CFAP70: variants seen among roughly 807,000 people sequenced by gnomAD.
The protein encoded by CFAP70 is cilia and flagella associated protein 70.
Under a neutral mutation model 137.6 loss-of-function variants are expected in CFAP70, and 81 were observed. That is an observed-to-expected ratio of 0.59 (90% CI 0.49 to 0.71). The LOEUF (loss-of-function observed/expected upper bound fraction) is 0.71, where lower values mean the gene tolerates loss of function less well. Ranked by LOEUF, CFAP70 falls within the 30% of genes least tolerant of loss-of-function variation. CFAP70 has a pLI of 0.00. For missense variants in CFAP70, 976 were observed against 1,226.7 expected (o/e 0.80, Z 3.05); for synonymous variants, 382 against 423.6 (o/e 0.90, Z 1.20).
At chr10:73,304,546 A>G (rs1240062103) in intron 12 of CFAP70, among the ~76,000 whole-genome samples, 2 of 152,240 alleles carry the variant, frequency 1.3e-5, no homozygotes, top group Non-Finnish European at 2.9e-5. Context: ...GATTAAAATT[A>G]AAATGAGAAA....
intron 24 of CFAP70, among the ~76,000 whole-genome samples, chr10:73,272,238 G>C (rs2046371390): frequency 6.6e-6 from 1 of 152,092 alleles, no homozygotes; most frequent in African/African-American, 2.4e-5. Flanking sequence ...AGGAGGCTGA[G>C]GCAGGAGGAT....
intron 19 of CFAP70, among the ~76,000 whole-genome samples, chr10:73,283,585 TTC>T (rs2047424300): frequency 6.6e-6 from 1 of 152,256 alleles, no homozygotes; most frequent in South Asian, 2.1e-4. Context: ...TCTTTAATGT[TTC>T]TCTTTGTCTC....
intron 25 of CFAP70, among the ~76,000 whole-genome samples, chr10:73,261,932 CTCTT>C (rs1483323390): frequency 3.3e-5 from 5 of 149,716 alleles, no homozygotes; most frequent in East Asian, 2.0e-4. Context: ...AATCAGTTCT[CTCTT>C]CTCTCAGGAA....
intron 25 of CFAP70, among the ~76,000 whole-genome samples, chr10:73,266,761 G>A (rs2045814817): frequency 6.6e-6 from 1 of 152,036 alleles, no homozygotes; most frequent in Non-Finnish European, 1.5e-5. Flanking sequence ...AATATTATTT[G>A]TGTCTTTCCA....
At chr10:73,271,441 G>A (rs535258851) in intron 24 of CFAP70, among the ~76,000 whole-genome samples, 120 of 152,316 alleles carry the variant, frequency 7.9e-4, no homozygotes, top group South Asian at 2.9e-3. Flanking sequence ...GAACCCAGGA[G>A]GCAGAGGTTG....
chr10:73,361,289 C>T (rs576419387), upstream of CFAP70, among the ~76,000 whole-genome samples: 22 of 147,370 alleles, frequency 1.5e-4, no homozygotes, highest in Non-Finnish European at 2.7e-4. Flanking sequence ...CCACCATGCC[C>T]GGCCTTTTTT....
At chr10:73,277,178 G>A in intron 21 of CFAP70, 62 bp downstream of exon 22, 2 of 1,537,428 alleles carry the variant, frequency 1.3e-6, no homozygotes, top group Non-Finnish European at 8.8e-7. Context: ...ATACCATTAT[G>A]GATAGAATAA....
intron 24 of CFAP70, chr10:73,272,697 T>C: frequency 3.3e-6 from 2 of 605,390 alleles, no homozygotes; most frequent in South Asian, 1.8e-5. Flanking sequence ...TTTTTTATTA[T>C]GTAGCTTCTT....
rs1473925658 is a variant in CFAP70, at chr10:73,256,435, TTGGTGA to T, written c.3028-25_3028-20del. 5 of 1,613,818 alleles carry T rather than the reference TTGGTGA, an allele frequency of 3.1e-6. No individual in the cohort carries two copies. The African/African-American group carries it at 6.7e-5, about 22-fold the overall frequency. On this transcript the variant is annotated intron_variant, in intron 25 of 26. Transcript: ENST00000310715. ...GTCCAACCTGAAAAAAGTGCAGCAG[TTGGTGA>T]TGATGACAGGTCATAAACATTATGG...
At chr10:73,322,530 T>C (rs2132207218) in intron 9 of CFAP70, among the ~76,000 whole-genome samples, 1 of 150,592 alleles carries the variant, frequency 6.6e-6, no homozygotes, top group Middle Eastern at 3.4e-3. Flanking sequence ...TGAGCTATGA[T>C]TGTGCCACTG....
At chr10:73,301,120 T>G (rs1404936223) in intron 12 of CFAP70, among the ~76,000 whole-genome samples, 2 of 152,176 alleles carry the variant, frequency 1.3e-5, no homozygotes, top group Non-Finnish European at 2.9e-5. Flanking sequence ...CAGGAGCATA[T>G]TTCACCAGGA....
intron 12 of CFAP70, 31 bp from the exon 14 acceptor site, chr10:73,299,696 C>A (rs965040477): frequency 1.4e-5 from 22 of 1,542,626 alleles, no homozygotes; most frequent in Admixed American, 9.1e-5. Context: ...AATAAAAAAA[C>A]AAAAAAAAAT....
intron 12 of CFAP70, among the ~76,000 whole-genome samples, chr10:73,301,347 G>C (rs997949993): frequency 6.6e-6 from 1 of 152,090 alleles, no homozygotes; most frequent in African/African-American, 2.4e-5. Flanking sequence ...GCAAGATCTG[G>C]TCATTTAAAA....
chr10:73,287,153 G>A (rs113396168), intron 19 of CFAP70, among the ~76,000 whole-genome samples: 4 of 152,162 alleles, frequency 2.6e-5, no homozygotes, highest in African/African-American at 9.7e-5. Context: ...AGTAGTCACT[G>A]TGATCAAGAA....
At chr10:73,256,854 C>G (rs1362824331) in intron 25 of CFAP70, among the ~76,000 whole-genome samples, 42 of 132,144 alleles carry the variant, frequency 3.2e-4, no homozygotes, top group Non-Finnish European at 6.2e-4. Context: ...AGTGAGCCGA[C>G]ATCATGCCAC....
exon 6 of CFAP70, chr10:73,341,513 C>T: frequency 6.2e-7 from 1 of 1,614,142 alleles, no homozygotes; most frequent in Admixed American, 1.7e-5. Context: ...ACTTTTTGGG[C>T]CGGGGAACAG....
intron 25 of CFAP70, among the ~76,000 whole-genome samples, chr10:73,259,977 G>A (rs1211676359): frequency 6.6e-6 from 1 of 151,770 alleles, no homozygotes; most frequent in African/African-American, 2.4e-5. Flanking sequence ...CAAGTAAGCT[G>A]TGTTCCTGCC....
chr10:73,350,621 AT>A (rs1387001928), intron 3 of CFAP70, among the ~76,000 whole-genome samples: 17 of 151,514 alleles, frequency 1.1e-4, no homozygotes, highest in East Asian at 3.9e-4. Flanking sequence ...ATATATATAT[AT>A]TTTTTTTCTG....
At chr10:73,258,761 G>A (rs1351843175) in intron 25 of CFAP70, among the ~76,000 whole-genome samples, 3 of 152,188 alleles carry the variant, frequency 2.0e-5, no homozygotes, top group Non-Finnish European at 4.4e-5. Context: ...CGCTCTGGGA[G>A]TGTCTCTCTC....
Sources: gnomAD v4.1 joint callset for allele counts (sites outside exome capture counted in the v4.1 genomes callset) on GRCh38, gnomAD v4.1.1 for gene constraint, MANE v1.5 for transcripts, NCBI Gene and HGNC (gene_info 2026-07-23, HGNC 2026-07-21) for gene names.